The following ARVCF variants were observed in gnomAD, a reference collection of about 807,000 sequenced individuals.
ARVCF encodes the protein splicing regulator ARVCF.
A neutral mutation model predicts 90.9 loss-of-function variants in ARVCF; 66 were observed. That is an observed-to-expected ratio of 0.73 (90% CI 0.60 to 0.89). The LOEUF is 0.89. Ranked by LOEUF, ARVCF falls within the 40% of genes least tolerant of loss-of-function variation. The pLI is 0.00. For missense variants in ARVCF, 1,469 were observed against 1,382.3 expected, an observed-to-expected ratio of 1.06 and a Z score of -1.00; for synonymous variants, 653 against 603.4, an observed-to-expected ratio of 1.08 and a Z score of -1.21.
At chr22:19,979,467 G>C (rs1416891995) in intron 6 of ARVCF, 6 of 572,072 alleles carry the variant, frequency 1.0e-5, no homozygotes, top group Non-Finnish European at 1.8e-5. Flanking sequence ...TGGGTCCCAG[G>C]AGAGTTTCTG....
Position 19,987,108 on chromosome 22 carries a change from G to C in ARVCF, c.210+3477C>G, listed in dbSNP as rs759377379. 1.1e-5 allele frequency: 6 copies of C among 557,858 alleles called. No individual in the cohort carries two copies. In the Middle Eastern group the frequency reaches 8.0e-4, roughly 75 times the overall value. 34.6% of individuals were successfully genotyped at this position (557,858 alleles called of 1,614,324 possible). A position where few individuals can be genotyped will look rare whatever the true frequency, so the allele number is the denominator to read the frequency against. The stretch of plus-strand genomic sequence containing the variant: ...TCGGCCGGCATCGGGCCGGGACTCG[G>C]GGGGCGCTGGCCAGCAGCGGGGGAG... On this transcript the variant is annotated intron_variant, in intron 3 of 19. Coordinates refer to ENST00000263207, the MANE Select transcript of ARVCF (RefSeq NM_001670.3).
rs1433433985 is a variant in ARVCF at position 19,990,716 on chromosome 22, T to A, written c.79A>T (p.Thr27Ser). 1.9e-6 allele frequency: 3 copies of A among 1,595,844 alleles called. No homozygotes were observed. The highest frequency in any genetic ancestry group is 2.6e-6 in the Non-Finnish European group (3 of 1,171,092). The change falls in exon 3 of 20, where the codon ACA becomes TCA. Residue 27 changes from threonine to serine, a missense_variant. Physicochemically the swap from Thr to Ser is moderately conservative, Grantham distance 58. Transcript: ENST00000263207. ...CGCCGCTCCTGCTCCAGTGCCCGTGTCAGCCTCTCGAAGCGGGCCTCCTGC... is the reference window on the plus strand; with the variant it reads ...CGCCGCTCCTGCTCCAGTGCCCGTGACAGCCTCTCGAAGCGGGCCTCCTGC... ...KEQEARFERL[T>S]RALEQERRHV...
Position 19,970,294 on chromosome 22 carries a change from G to C in ARVCF, c.*462C>G. 8 of 994,592 alleles carry C rather than the reference G, an allele frequency of 8.0e-6. No individual in the cohort carries two copies. Among genetic ancestry groups the C allele is most frequent in the Non-Finnish European group, 9.6e-6 (8 of 835,162 alleles). The allele number at this position is 994,592 out of a possible 1,614,324, so 61.6% of individuals were successfully genotyped here. ...TCTGCCTGCCTGCAGGGTGCCCAGG[G>C]AGACCCTCCGCCTTTAGAAGTCCAA... On this transcript the variant is annotated 3_prime_UTR_variant, in exon 20 of 20. Coordinates refer to ENST00000263207, the MANE Select transcript of ARVCF (RefSeq NM_001670.3).
chr22:20,012,974 G>A (rs1944891231), intron 1 of ARVCF, among the ~76,000 whole-genome samples: 1 of 152,256 alleles, frequency 6.6e-6, no homozygotes, highest in East Asian at 1.9e-4. Context: ...AGCTCGCTCT[G>A]CACTCCCTGC....
intron 2 of ARVCF, among the ~76,000 whole-genome samples, chr22:20,008,289 G>A (rs1477710659): frequency 6.6e-6 from 1 of 152,174 alleles, no homozygotes; most frequent in Non-Finnish European, 1.5e-5. Context: ...GCTGGTGCTG[G>A]TCTCTGAGAG....
At chr22:20,009,526 C>A (rs965422573) in intron 2 of ARVCF, among the ~76,000 whole-genome samples, 1 of 152,248 alleles carries the variant, frequency 6.6e-6, no homozygotes, top group Non-Finnish European at 1.5e-5. Flanking sequence ...CCATGCCTCC[C>A]ACAGAGACTG....
intron 3 of ARVCF, among the ~76,000 whole-genome samples, chr22:19,984,258 A>C (rs994380606): frequency 1.3e-5 from 2 of 152,120 alleles, no homozygotes; most frequent in Non-Finnish European, 2.9e-5. Flanking sequence ...AAAGGGGAGG[A>C]CATCTCAGGA....
intron 3 of ARVCF, among the ~76,000 whole-genome samples, chr22:19,989,085 G>A (rs1322758521): frequency 6.6e-5 from 10 of 152,146 alleles, no homozygotes; most frequent in Admixed American, 1.3e-4. Context: ...AGGCGGCCTC[G>A]GGGTCACTGG....
At chr22:19,973,596 G>T (rs1488436188) in intron 13 of ARVCF, 47 bp downstream of exon 13, 3 of 1,569,440 alleles carry the variant, frequency 1.9e-6, no homozygotes, top group South Asian at 2.3e-5. Flanking sequence ...CCCCAAAGCT[G>T]CAGGCACAGT....
In ARVCF at chr22:19,974,850, C is replaced by G. The variant is rs543971879; in HGVS notation, c.1961-611G>C. 6.2e-4 allele frequency among the ~76,000 whole-genome samples: 94 copies of G among 152,254 alleles called. 1 individual carries two copies. The highest frequency in any genetic ancestry group is 6.1e-3 in the Admixed American group (94 of 15,298). ...CTTCCTGGCAACCACTCCAAGTTCC[C>G]GGGCAACTGAGGCGCCGTCCTGCTG... On this transcript the variant is annotated intron_variant, in intron 11 of 19. Transcript: ENST00000263207.
intron 2 of ARVCF, among the ~76,000 whole-genome samples, chr22:19,999,256 C>A (rs1383278383): frequency 6.6e-6 from 1 of 152,010 alleles, no homozygotes; most frequent in African/African-American, 2.4e-5. Flanking sequence ...GAGGCCCTCC[C>A]GAGTTGACCT....
intron 2 of ARVCF, among the ~76,000 whole-genome samples, chr22:20,005,273 C>G (rs1219070595): frequency 6.6e-6 from 1 of 151,168 alleles, no homozygotes; most frequent in African/African-American, 2.4e-5. Context: ...AAACGGCCAA[C>G]AAGCACGTTA....
At position 19,990,834 on chromosome 22, in the gene ARVCF, CT is replaced by C. The variant is rs1475724440; in HGVS notation, c.-18-23del. 3 of 1,537,436 alleles carry C rather than the reference CT, an allele frequency of 2.0e-6. No individual in the cohort carries two copies. The South Asian group carries it at 3.6e-5, about 18-fold the overall frequency. On this transcript the variant is annotated intron_variant, in intron 2 of 19. Transcript: ENST00000263207. ...CCAGCTGCAGGCAAAGCAGAGTAAG[CT>C]CAGTGGGGTGGGGCACAGCCTGGCA...
Position 19,970,659 on chromosome 22 carries a change from G to A in ARVCF, c.*97C>T, listed in dbSNP as rs1334207309. 3 of 1,285,614 alleles carry A rather than the reference G, an allele frequency of 2.3e-6. No homozygotes were observed. The highest frequency in any genetic ancestry group is 1.1e-4 in the East Asian group (2 of 17,906). 79.6% of individuals were successfully genotyped at this position (1,285,614 alleles called of 1,614,324 possible). ...GCGCTGCCAACCCCTGCCGCCAGGG[G>A]GCTCCAAGCTCCACGGCACGATCTG... On this transcript the variant is annotated 3_prime_UTR_variant, in exon 20 of 20. Transcript: ENST00000263207.
chr22:20,011,763 A>T (rs1264667894), intron 1 of ARVCF, among the ~76,000 whole-genome samples: 1 of 152,244 alleles, frequency 6.6e-6, no homozygotes, highest in Non-Finnish European at 1.5e-5. Context: ...TCTGAGGCTT[A>T]GGAACCAGCT....
intron 2 of ARVCF, among the ~76,000 whole-genome samples, chr22:20,005,913 G>A (rs1860274294): frequency 6.6e-6 from 1 of 152,156 alleles, no homozygotes; most frequent in African/African-American, 2.4e-5. Flanking sequence ...GTCCACCAGT[G>A]GAAAAATGGA....
chr22:19,995,280 AATG>A (rs2146408196), intron 2 of ARVCF, among the ~76,000 whole-genome samples: 1 of 151,904 alleles, frequency 6.6e-6, no homozygotes, highest in East Asian at 1.9e-4. Flanking sequence ...AGAGGGATAA[AATG>A]ATGATGGAAG....
intron 1 of ARVCF, among the ~76,000 whole-genome samples, chr22:20,012,161 C>T (rs1944861543): frequency 1.3e-5 from 2 of 149,518 alleles, no homozygotes; most frequent in South Asian, 2.2e-4. Flanking sequence ...TCATGGGGTC[C>T]AGCCAGGCCA....
At chr22:20,011,893 T>TC (rs1446252846) in intron 1 of ARVCF, among the ~76,000 whole-genome samples, 1 of 151,582 alleles carries the variant, frequency 6.6e-6, no homozygotes, top group Non-Finnish European at 1.5e-5. Context: ...CACCAGCCTC[T>TC]CCCCCGGAGT....
Sources: gnomAD v4.1 joint callset for allele counts (sites outside exome capture counted in the v4.1 genomes callset) on GRCh38, gnomAD v4.1.1 for gene constraint, MANE v1.5 for transcripts, NCBI Gene and HGNC (gene_info 2026-07-23, HGNC 2026-07-21) for gene names.